Variants in IFNGR2 observed in about 807,000 individuals in gnomAD.
IFNGR2 encodes the protein IFN-gamma receptor 2.
A neutral mutation model predicts 41.1 loss-of-function variants in IFNGR2; 15 were observed. The observed-to-expected ratio is 0.37, with a 90% CI of 0.24 to 0.56. IFNGR2 has a LOEUF of 0.56. Among genes scored for constraint, IFNGR2 ranks in the 20% least tolerant of loss-of-function variants. IFNGR2 has a pLI of 0.81. For synonymous variants in IFNGR2, 161 were observed against 171.6 expected, an observed-to-expected ratio of 0.94 and a Z score of 0.48; for missense variants, 362 against 415.7, an observed-to-expected ratio of 0.87 and a Z score of 1.12.
chr21:33,414,988 G>T lies in IFNGR2; in HGVS notation c.174G>T (p.Thr58=), dbSNP rs562561420. The change falls in exon 2 of 7, where the codon ACG becomes ACT. Residue 58 remains threonine (T), a synonymous_variant. Coordinates refer to ENST00000290219, the MANE Select transcript of IFNGR2 (RefSeq NM_005534.4). ...SWEPVALSNS[T]RPVVYQVQFK... ...AGCCAGTGGCCCTGAGCAATAGCACGAGGCCTGTTGTCTACCAAGTGCAGT... is the reference window on the plus strand; with the variant it reads ...AGCCAGTGGCCCTGAGCAATAGCACTAGGCCTGTTGTCTACCAAGTGCAGT... The T allele has an allele frequency of 1.2e-6, 2 of 1,614,014 alleles. No individual in the cohort carries two copies. The highest frequency in any genetic ancestry group is 1.7e-6 in the Non-Finnish European group (2 of 1,179,998).
intron 2 of IFNGR2, among the ~76,000 whole-genome samples, chr21:33,420,207 G>C (rs377207840): frequency 2.0e-5 from 3 of 152,172 alleles, no homozygotes; most frequent in African/African-American, 4.8e-5. Context: ...AGCATGTGTG[G>C]TACGTGAAAG....
intron 1 of IFNGR2, 78 bp from the exon 2 acceptor site, chr21:33,414,809 TG>T: frequency 6.9e-7 from 1 of 1,454,530 alleles, no homozygotes; most frequent in Non-Finnish European, 9.4e-7. Context: ...ACTTAGATAA[TG>T]GACATTGAAA....
chr21:33,412,926 A>G (rs899863505), intron 1 of IFNGR2, among the ~76,000 whole-genome samples: 7 of 152,202 alleles, frequency 4.6e-5, no homozygotes, highest in African/African-American at 1.4e-4. Flanking sequence ...CAATAAATCT[A>G]TTCAAACAGC....
intron 6 of IFNGR2, among the ~76,000 whole-genome samples, chr21:33,435,673 A>G (rs1346318132): frequency 6.6e-6 from 1 of 151,618 alleles, no homozygotes; most frequent in East Asian, 2.0e-4. Flanking sequence ...TCATGAAGTC[A>G]GGAGATCGAG....
Position 33,426,929 on chromosome 21 carries a change from G to C in IFNGR2, c.458G>C (p.Gly153Ala). 6.2e-7 allele frequency: 1 copy of C among 1,613,510 alleles called. No homozygotes were observed. The highest frequency in any genetic ancestry group is 8.5e-7 in the Non-Finnish European group (1 of 1,179,698). ...AACATTGAGGTGACCCCAGGAGAAGGCTCCCTCATCATCAGGTTCTCCTCT... is the reference window on the plus strand; with the variant it reads ...AACATTGAGGTGACCCCAGGAGAAGCCTCCCTCATCATCAGGTTCTCCTCT... ...PENIEVTPGEGSLIIRFSSPF... is the reference protein window; with the variant it reads ...PENIEVTPGEASLIIRFSSPF... The change falls in exon 4 of 7, where the codon GGC becomes GCC. Residue 153 changes from glycine to alanine, a missense_variant. By Grantham distance (60) the Gly-to-Ala change is moderately conservative. Transcript: ENST00000290219.
chr21:33,436,711 C>T (rs1398659693), intron 6 of IFNGR2, 117 bp from the exon 7 acceptor site: 1 of 788,210 alleles, frequency 1.3e-6, no homozygotes, highest in South Asian at 1.8e-5. Flanking sequence ...AAGAGTAAGA[C>T]TCCATCTCAA....
In IFNGR2 at chr21:33,437,314, C is replaced by T. The variant is rs121913222; in HGVS notation, c.*352C>T. Reference sequence around the variant, plus strand: ...GGGCTGAGCAGTCAGAAGACCTGGTCGTCGTCTTGACTTTGGCAAATGAGC... The same window carrying T: ...GGGCTGAGCAGTCAGAAGACCTGGTTGTCGTCTTGACTTTGGCAAATGAGC... On this transcript the variant is annotated 3_prime_UTR_variant, in exon 7 of 7. Coordinates refer to ENST00000290219, the MANE Select transcript of IFNGR2 (RefSeq NM_005534.4). 5 of 261,786 alleles carry T rather than the reference C, an allele frequency of 1.9e-5. No homozygotes were observed. The highest frequency in any genetic ancestry group is 2.3e-5 in the Non-Finnish European group (3 of 133,086). The allele number at this position is 261,786 out of a possible 1,614,324, so 16.2% of individuals were successfully genotyped here. A position where few individuals can be genotyped will look rare whatever the true frequency, so the allele number is the denominator to read the frequency against.
rs41351148 is a variant in IFNGR2 at position 33,432,343 on chromosome 21, T to C, written c.721+7T>C. The C allele has an allele frequency of 2.0e-3, 3,182 of 1,611,130 alleles. 60 individuals are homozygous for C. The African/African-American group carries it at 0.038, about 19-fold the overall frequency. Reference sequence around the variant, plus strand: ...TACGAAACAATGGCAGATGGTAAAATATACCTTCTTATGTCCTTTCTGAAC... The same window carrying C: ...TACGAAACAATGGCAGATGGTAAAACATACCTTCTTATGTCCTTTCTGAAC... On this transcript the variant is annotated splice_region_variant and intron_variant, in intron 5 of 6. Transcript: ENST00000290219.
rs1014255407 is a variant in IFNGR2, at chr21:33,404,545, C to T, written c.73+929C>T. Among the ~76,000 whole-genome samples, 140 of 152,272 alleles carry T rather than the reference C, an allele frequency of 9.2e-4. 2 individuals carry two copies. Among genetic ancestry groups the T allele is most frequent in the Non-Finnish European group, 2.1e-4 (14 of 68,014 alleles). Reference sequence around the variant, plus strand: ...CTCCGCCTCCCGTGCTCAAGCGATCCTCCCACGTCAGCCTCCCAAGAAGGT... The same window carrying T: ...CTCCGCCTCCCGTGCTCAAGCGATCTTCCCACGTCAGCCTCCCAAGAAGGT... On this transcript the variant is annotated intron_variant, in intron 1 of 6. Coordinates refer to ENST00000290219, the MANE Select transcript of IFNGR2 (RefSeq NM_005534.4).
At chr21:33,415,096 T>A in intron 2 of IFNGR2, 76 bp downstream of exon 2, 1 of 1,521,074 alleles carries the variant, frequency 6.6e-7, no homozygotes, top group Non-Finnish European at 9.1e-7. Context: ...CACATACTAG[T>A]CCCTGCCTCT....
intron 1 of IFNGR2, among the ~76,000 whole-genome samples, chr21:33,409,477 A>C (rs560896407): frequency 6.6e-6 from 1 of 152,314 alleles, no homozygotes; most frequent in East Asian, 1.9e-4. Flanking sequence ...ACTCTGTCTC[A>C]AAAGAAAAAA....
chr21:33,404,647 T>C (rs549246221), intron 1 of IFNGR2, among the ~76,000 whole-genome samples: 1 of 152,224 alleles, frequency 6.6e-6, no homozygotes, highest in Non-Finnish European at 1.5e-5. Flanking sequence ...CAGGCTGTTC[T>C]TGTACTCCTG....
At chr21:33,405,689 A>G (rs1334148749) in intron 1 of IFNGR2, among the ~76,000 whole-genome samples, 1 of 152,176 alleles carries the variant, frequency 6.6e-6, no homozygotes, top group Non-Finnish European at 1.5e-5. Context: ...CTTTAATTGT[A>G]TTCTACAAAA....
At chr21:33,434,394 C>T (rs189854311) in intron 6 of IFNGR2, among the ~76,000 whole-genome samples, 29 of 152,090 alleles carry the variant, frequency 1.9e-4, no homozygotes, top group South Asian at 6.2e-4. Flanking sequence ...TGGTGGTGGG[C>T]GCCTGTAATC....
At chr21:33,409,426 G>C (rs1057368954) in intron 1 of IFNGR2, among the ~76,000 whole-genome samples, 1 of 152,088 alleles carries the variant, frequency 6.6e-6, no homozygotes, top group Non-Finnish European at 1.5e-5. Context: ...CCGAGATCAC[G>C]CCACTGCGAC....
In IFNGR2 at chr21:33,403,609, C is replaced by A; in HGVS notation, c.66C>A (p.Ala22=). The change falls in exon 1 of 7, where the codon GCC becomes GCA. Residue 22 remains alanine (A), a synonymous_variant. Coordinates refer to ENST00000290219, the MANE Select transcript of IFNGR2 (RefSeq NM_005534.4). ...LLGVFAAAAA[A]PPDPLSQLPA... ...GAGTCTTCGCCGCCGCCGCCGCGGC[C>A]CCGCCAGGTGAGCCGGGCCTGGGCC... 7.3e-7 allele frequency: 1 copy of A among 1,367,234 alleles called. No individual in the cohort carries two copies. The highest frequency in any genetic ancestry group is 9.5e-7 in the Non-Finnish European group (1 of 1,057,982). 84.7% of individuals were successfully genotyped at this position (1,367,234 alleles called of 1,614,324 possible). A position where few individuals can be genotyped will look rare whatever the true frequency, so the allele number is the denominator to read the frequency against.
At chr21:33,429,299 C>G (rs901011431) in intron 4 of IFNGR2, among the ~76,000 whole-genome samples, 20 of 151,900 alleles carry the variant, frequency 1.3e-4, no homozygotes, top group African/African-American at 4.8e-4. Flanking sequence ...AAGACCCACC[C>G]TAGATCGCTC....
At chr21:33,432,981 G>T in intron 6 of IFNGR2, 110 bp downstream of exon 6, 1 of 910,792 alleles carries the variant, frequency 1.1e-6, no homozygotes, top group African/African-American at 1.7e-5. Context: ...CATCTCCCAG[G>T]TTCAAGCGAT....
chr21:33,424,158 G>A (rs138334549), intron 3 of IFNGR2, among the ~76,000 whole-genome samples: 6 of 152,106 alleles, frequency 3.9e-5, no homozygotes, highest in East Asian at 1.9e-4. Context: ...AAAGTTAGCC[G>A]GGTATGATGG....
Sources: gnomAD v4.1 joint callset for allele counts (sites outside exome capture counted in the v4.1 genomes callset) on GRCh38, gnomAD v4.1.1 for gene constraint, MANE v1.5 for transcripts, NCBI Gene and HGNC (gene_info 2026-07-23, HGNC 2026-07-21) for gene names.